The following ARID2 variants were observed in gnomAD, a reference collection of about 807,000 sequenced individuals.
ARID2 encodes AT-rich interaction domain 2.
In ARID2, 32 loss-of-function variants were observed where a neutral mutation model predicts 184.6. The ratio of observed to expected loss-of-function variants is 0.17; its 90% CI spans 0.13 to 0.23. The LOEUF is 0.23. Among genes scored for constraint, ARID2 ranks in the 10% least tolerant of loss-of-function variants. ARID2 has a pLI of 1.00. For synonymous variants in ARID2, 836 were observed against 772.6 expected (o/e 1.08, Z -1.36); for missense variants, 1,696 against 2,197.6 (o/e 0.77, Z 4.56).
At chr12:45,883,333 A>G (rs548310586) in intron 16 of ARID2, among the ~76,000 whole-genome samples, 87 of 151,868 alleles carry the variant, frequency 5.7e-4, no homozygotes, top group Non-Finnish European at 2.1e-4. Context: ...TCAAATGCCA[A>G]AAGGTTACAT....
At chr12:45,861,527 A>AAGAC (rs1207257462) in intron 16 of ARID2, among the ~76,000 whole-genome samples, 1 of 151,904 alleles carries the variant, frequency 6.6e-6, no homozygotes, top group Admixed American at 6.6e-5. Context: ...GTACTTAGGT[A>AAGAC]AGACCTTTTG....
At position 45,826,361 on chromosome 12, in the gene ARID2, G is replaced by A. The variant is rs145854871; in HGVS notation, c.705+4874G>A. 2.7e-3 allele frequency among the ~76,000 whole-genome samples: 407 copies of A among 152,064 alleles called. 3 individuals carry two copies. The highest frequency in any genetic ancestry group is 8.0e-3 in the African/African-American group (331 of 41,508). ...ATATTTGAATTAATAGTTAAATAGT[G>A]GGAAAAGAGAGAGAGAGAGAAATGT... On this transcript the variant is annotated intron_variant, in intron 6 of 20. Coordinates refer to ENST00000334344, the MANE Select transcript of ARID2 (RefSeq NM_152641.4).
rs374068170 is a variant in ARID2, at chr12:45,879,445, A to T, written c.4923-12335A>T. Among the ~76,000 whole-genome samples, 8 of 152,332 alleles carry T rather than the reference A, an allele frequency of 5.3e-5. No homozygotes were observed. The East Asian group carries it at 1.5e-3, about 29-fold the overall frequency. On this transcript the variant is annotated intron_variant, in intron 16 of 20. Coordinates refer to ENST00000334344, the MANE Select transcript of ARID2 (RefSeq NM_152641.4). Reference sequence around the variant, plus strand: ...CTCTGAAGGTAATTCACACAAAAGTATGGGTTCTCCACAGAAACTGACCTC... The same window carrying T: ...CTCTGAAGGTAATTCACACAAAAGTTTGGGTTCTCCACAGAAACTGACCTC...
chr12:45,730,236 G>C, intron 2 of ARID2, 99 bp downstream of exon 2: 11 of 1,206,286 alleles, frequency 9.1e-6, no homozygotes, highest in Non-Finnish European at 1.3e-5. Context: ...GGGGTGGCCC[G>C]CGGGGGCAAA....
In ARID2 at chr12:45,848,933, G is replaced by A. The variant is rs746751314; in HGVS notation, c.1678G>A (p.Gly560Arg). 1.9e-6 allele frequency: 3 copies of A among 1,612,232 alleles called. No individual in the cohort carries two copies. Among genetic ancestry groups the A allele is most frequent in the Admixed American group, 1.7e-5 (1 of 59,924 alleles). ...GACTTGCAGTAAATTAGCTCGTGGTGGAATCCTAACATCAACTGGATTTTA... is the reference window on the plus strand; with the variant it reads ...GACTTGCAGTAAATTAGCTCGTGGTAGAATCCTAACATCAACTGGATTTTA... ...LSTCSKLARGGILTSTGFYKC... is the reference protein window; with the variant it reads ...LSTCSKLARGRILTSTGFYKC... The change falls in exon 13 of 21, where the codon GGA (glycine) becomes AGA (arginine). Residue 560 changes from glycine (G) to arginine (R), a missense_variant. This residue lies in a region of ARID2 where 713 missense variants were observed against 824.4 expected (regional missense o/e 0.86). Transcript: ENST00000334344.
intron 3 of ARID2, among the ~76,000 whole-genome samples, chr12:45,805,505 C>T (rs1158794686): frequency 2.6e-5 from 4 of 151,894 alleles, no homozygotes; most frequent in Non-Finnish European, 2.9e-5. Flanking sequence ...CAATTGCTTT[C>T]TCTTGTGTAT....
intron 16 of ARID2, among the ~76,000 whole-genome samples, chr12:45,872,459 TG>T (rs1323916527): frequency 6.6e-6 from 1 of 152,184 alleles, no homozygotes; most frequent in Non-Finnish European, 1.5e-5. Context: ...TACCCGAGAC[TG>T]GGTAACTTAT....
At chr12:45,813,573 C>T (rs182220158) in intron 4 of ARID2, among the ~76,000 whole-genome samples, 183 of 151,816 alleles carry the variant, frequency 1.2e-3, no homozygotes, top group African/African-American at 4.2e-3. Context: ...ATCATACAGC[C>T]TTATTCCCCT....
chr12:45,856,749 AAAG>A (rs1228739145), intron 15 of ARID2, among the ~76,000 whole-genome samples: 19 of 152,218 alleles, frequency 1.2e-4, no homozygotes, highest in Non-Finnish European at 2.9e-5. Context: ...CAACAAGTAA[AAAG>A]AATCTATGTG....
In ARID2 at chr12:45,739,268, T is replaced by G. The variant is rs556219834; in HGVS notation, c.284+7954T>G. ...TGCTGAGATTACAGGCGTGAGCCAC[T>G]GCGCCCGGCCAGAGCATTGTCTTAA... On this transcript the variant is annotated intron_variant, in intron 3 of 20. Transcript: ENST00000334344. 2.0e-5 allele frequency among the ~76,000 whole-genome samples: 3 copies of G among 152,192 alleles called. No homozygotes were observed. The South Asian group carries it at 6.2e-4, about 32-fold the overall frequency.
At chr12:45,887,831 T>G (rs987655526) in intron 16 of ARID2, among the ~76,000 whole-genome samples, 1 of 152,142 alleles carries the variant, frequency 6.6e-6, no homozygotes, top group Non-Finnish European at 1.5e-5. Flanking sequence ...CCCTTTTAAC[T>G]TGGTTGTCTC....
chr12:45,826,576 G>A (rs949427353), intron 6 of ARID2, among the ~76,000 whole-genome samples: 9 of 151,854 alleles, frequency 5.9e-5, no homozygotes, highest in Admixed American at 5.3e-4. Flanking sequence ...CACCATGCTT[G>A]GCTAACTTAT....
At chr12:45,827,491 C>A (rs1347756054) in intron 6 of ARID2, among the ~76,000 whole-genome samples, 1 of 152,032 alleles carries the variant, frequency 6.6e-6, no homozygotes, top group Non-Finnish European at 1.5e-5. Flanking sequence ...AAAACAAGGT[C>A]TCCCCTCTCA....
At chr12:45,875,462 C>A (rs952621939) in intron 16 of ARID2, among the ~76,000 whole-genome samples, 2 of 152,198 alleles carry the variant, frequency 1.3e-5, no homozygotes, top group African/African-American at 4.8e-5. Context: ...CTTAAAGTCA[C>A]CAGCTGCATT....
chr12:45,848,826 CCT>C lies in ARID2; in HGVS notation c.1581-7_1581-6del, dbSNP rs1392089670. The C allele has an allele frequency of 3.7e-6, 6 of 1,605,364 alleles. No homozygotes were observed. The highest frequency in any genetic ancestry group is 5.1e-6 in the Non-Finnish European group (6 of 1,175,604). On this transcript the variant is annotated splice_polypyrimidine_tract_variant and splice_region_variant and intron_variant, in intron 12 of 20. Transcript: ENST00000334344. ...ATATTGTATAATGCTTAATTTTTCT[CCT>C]CTTTTAGGCTAAATGCTCATTTTGA...
In ARID2 at chr12:45,730,077, G is replaced by A; in HGVS notation, c.126G>A (p.Gly42=). Residue 42 remains glycine, a synonymous_variant, in exon 2 of 21, where the codon GGG becomes GGA. Transcript: ENST00000334344. ...TTAAAAAAATCCCTGCGGTGGGTGGGAAGGAGCTGGATCTTCACGGTCTCT... is the reference window on the plus strand; with the variant it reads ...TTAAAAAAATCCCTGCGGTGGGTGGAAAGGAGCTGGATCTTCACGGTCTCT... The part of the protein sequence containing the change: ...SPFKKIPAVG[G]KELDLHGLYT... The A allele has an allele frequency of 1.2e-6, 2 of 1,613,544 alleles. No individual in the cohort carries two copies. Among genetic ancestry groups the A allele is most frequent in the East Asian group, 2.2e-5 (1 of 44,812 alleles).
intron 16 of ARID2, among the ~76,000 whole-genome samples, chr12:45,865,518 A>T (rs868412050): frequency 6.6e-6 from 1 of 151,800 alleles, no homozygotes; most frequent in South Asian, 2.1e-4. Flanking sequence ...CTTTCAATTA[A>T]TTTTTCTGTA....
intron 5 of ARID2, among the ~76,000 whole-genome samples, chr12:45,821,201 C>T (rs2138098452): frequency 6.6e-6 from 1 of 151,926 alleles, no homozygotes; most frequent in African/African-American, 2.4e-5. Flanking sequence ...GAAAAAGAGT[C>T]TATATTATTA....
rs754550362 is a variant in ARID2, at chr12:45,785,738, CA to C, written c.285-25677del. Among the ~76,000 whole-genome samples the C allele has an allele frequency of 1.8e-3, 272 of 152,244 alleles. 1 individual carries two copies. Among genetic ancestry groups the C allele is most frequent in the Non-Finnish European group, 2.4e-3 (166 of 68,010 alleles). On this transcript the variant is annotated intron_variant, in intron 3 of 20. Transcript: ENST00000334344. ...CCAAAAAAACACAAAAACACCCCCC[CA>C]AATCCAAAAAAATTCAAAATCTGAA...
Sources: gnomAD v4.1 joint callset for allele counts (sites outside exome capture counted in the v4.1 genomes callset) on GRCh38, gnomAD v4.1.1 for gene constraint, gnomAD v4.1.1 regional missense constraint, MANE v1.5 for transcripts, NCBI Gene and HGNC (gene_info 2026-07-23, HGNC 2026-07-21) for gene names.